The following KANK1 variants were observed in gnomAD, a reference collection of about 807,000 sequenced individuals.
The protein encoded by KANK1 is KN motif and ankyrin repeat domains 1, also known as KN motif and ankyrin repeat domain-containing protein 1.
KANK1 carries 109 observed loss-of-function variants against 106.2 expected under a neutral mutation model. The observed-to-expected ratio is 1.03, with a 90% confidence interval of 0.88 to 1.20. The LOEUF (loss-of-function observed/expected upper bound fraction) is 1.20. Among genes scored for constraint, KANK1 ranks in the 50% most tolerant of loss-of-function variants. The pLI is 0.00. For synonymous variants in KANK1, 873 were observed against 652.2 expected (o/e 1.34, Z -5.16); for missense variants, 2,399 against 1,710.7 (o/e 1.40, Z -7.10).
chr9:728,224 C>A (rs56142521), intron 3 of KANK1, among the ~76,000 whole-genome samples: 11,481 of 151,976 alleles, frequency 0.076, 1,082 homozygotes, highest in African/African-American at 0.21. Context: ...ATGGAGTCTC[C>A]CTCTGTCACT....
chr9:738,485 G>A lies in KANK1; in HGVS notation c.3534G>A (p.Val1178=), dbSNP rs550098769. The change falls in exon 8 of 12, where the codon GTG becomes GTA. Residue 1178 remains valine, a synonymous_variant. Transcript: ENST00000382297. ...YSVSHSNFEI[V]KLLLDADVCN... ...TGTCCCACTCCAACTTCGAGATTGT[G>A]AAGCTGCTGTTAGATGCCGGTATGT... The A allele has an allele frequency of 1.7e-5, 27 of 1,614,100 alleles. No homozygotes were observed. In the South Asian group the frequency reaches 3.0e-4, roughly 18 times the overall value.
intron 1 of KANK1, among the ~76,000 whole-genome samples, chr9:672,035 T>C (rs1406663811): frequency 6.6e-6 from 1 of 152,212 alleles, no homozygotes; most frequent in Non-Finnish European, 1.5e-5. Flanking sequence ...AGTAAGCATA[T>C]AGGTAACTAA....
chr9:712,127 A>T lies in KANK1; in HGVS notation c.1361A>T (p.Glu454Val). The T allele has an allele frequency of 6.2e-7, 1 of 1,614,168 alleles. No individual in the cohort carries two copies. Among genetic ancestry groups the T allele is most frequent in the Non-Finnish European group, 8.5e-7 (1 of 1,180,048 alleles). Residue 454 changes from glutamate (E) to valine (V), a missense_variant, in exon 3 of 12, where the codon GAA becomes GTA. Physicochemically the swap from Glu to Val is moderately radical, Grantham distance 121. Transcript: ENST00000382297. Reference protein sequence around the residue: ...MLGVMTEADKEIELQQQTIES... With the variant: ...MLGVMTEADKVIELQQQTIES... Reference sequence around the variant, plus strand: ...GGAGTGATGACTGAAGCTGACAAAGAAATTGAGCTGCAACAGCAGACCATA... The same window carrying T: ...GGAGTGATGACTGAAGCTGACAAAGTAATTGAGCTGCAACAGCAGACCATA...
intron 3 of KANK1, among the ~76,000 whole-genome samples, chr9:487,427 A>T (rs1342293755): frequency 6.6e-6 from 1 of 152,212 alleles, no homozygotes; most frequent in Non-Finnish European, 1.5e-5. Flanking sequence ...AGGCTAAGCT[A>T]TGATGTTTGG....
At chr9:715,567 A>C (rs1589142609) in intron 3 of KANK1, among the ~76,000 whole-genome samples, 1 of 152,228 alleles carries the variant, frequency 6.6e-6, no homozygotes, top group East Asian at 1.9e-4. Context: ...GTCTATTTCC[A>C]GTCACACTGA....
chr9:627,412 C>T (rs1046388604), intron 1 of KANK1, among the ~76,000 whole-genome samples: 4 of 151,660 alleles, frequency 2.6e-5, no homozygotes, highest in Non-Finnish European at 4.4e-5. Context: ...TCTGCCCCCT[C>T]CCACTGGAAG....
intron 1 of KANK1, among the ~76,000 whole-genome samples, chr9:613,614 T>C (rs928524516): frequency 3.9e-5 from 6 of 152,158 alleles, no homozygotes; most frequent in African/African-American, 1.4e-4. Flanking sequence ...TTGTATTCAT[T>C]TTTGAAATTT....
chr9:649,658 A>G (rs1360371966), intron 1 of KANK1, among the ~76,000 whole-genome samples: 1 of 152,192 alleles, frequency 6.6e-6, no homozygotes, highest in Non-Finnish European at 1.5e-5. Context: ...AGTTTTCACC[A>G]TAGCATGGCT....
chr9:742,500 CCT>C, intron 10 of KANK1, 95 bp downstream of exon 10: 2 of 848,428 alleles, frequency 2.4e-6, no homozygotes, highest in South Asian at 3.5e-5. Context: ...ACCAAATCCT[CCT>C]CTATTCTCCT....
At chr9:605,935 C>G (rs888129990) in intron 1 of KANK1, among the ~76,000 whole-genome samples, 1 of 151,646 alleles carries the variant, frequency 6.6e-6, no homozygotes, top group African/African-American at 2.4e-5. Context: ...TCTGTGTTGT[C>G]AGGGGGCCCT....
chr9:618,800 C>G (rs1027690035), intron 1 of KANK1, among the ~76,000 whole-genome samples: 3 of 152,082 alleles, frequency 2.0e-5, no homozygotes, highest in South Asian at 2.1e-4. Context: ...ACTGGGTGAA[C>G]AGGCGGTGTT....
At chr9:743,505 T>G (rs1189630835) in intron 10 of KANK1, among the ~76,000 whole-genome samples, 1 of 152,154 alleles carries the variant, frequency 6.6e-6, no homozygotes, top group African/African-American at 2.4e-5. Flanking sequence ...AGGGGAAGGA[T>G]CATAAGATTA....
Position 712,502 on chromosome 9 carries a change from A to T in KANK1, c.1736A>T (p.Asp579Val), listed in dbSNP as rs1046713586. The T allele has an allele frequency of 1.9e-6, 3 of 1,614,026 alleles. No homozygotes were observed. Among genetic ancestry groups the T allele is most frequent in the African/African-American group, 2.7e-5 (2 of 74,904 alleles). The change falls in exon 3 of 12, where the codon GAC becomes GTC. Residue 579 changes from aspartate (D) to valine (V), a missense_variant. By Grantham distance (152) the Asp-to-Val change is radical (BLOSUM62 -3). Transcript: ENST00000382297. The part of the protein sequence containing the change: ...WIVKERVEMH[D>V]RCAGRSVEMC... ...GTTAAGGAGAGGGTGGAAATGCATG[A>T]CCGATGTGCTGGGAGGTCTGTGGAA...
chr9:645,439 TAAAAAAAAAAA>T (rs376740141), intron 1 of KANK1, among the ~76,000 whole-genome samples: 1 of 70,252 alleles, frequency 1.4e-5, no homozygotes, highest in African/African-American at 6.4e-5. Flanking sequence ...GACTGTGTCT[TAAAAAAAAAAA>T]AAAAAAAAAA....
At chr9:694,250 G>A (rs1820678590) in intron 2 of KANK1, among the ~76,000 whole-genome samples, 1 of 152,164 alleles carries the variant, frequency 6.6e-6, no homozygotes. Context: ...CCAAAAAACT[G>A]TAATGTTTTG....
At chr9:725,303 A>C (rs1830364490) in intron 3 of KANK1, among the ~76,000 whole-genome samples, 5 of 152,050 alleles carry the variant, frequency 3.3e-5, no homozygotes, top group Non-Finnish European at 7.4e-5. Flanking sequence ...GGCCAGGCTA[A>C]CCAACATGGT....
intron 1 of KANK1, among the ~76,000 whole-genome samples, chr9:676,687 C>A (rs562516522): frequency 1.3e-4 from 20 of 152,302 alleles, no homozygotes; most frequent in Non-Finnish European, 2.8e-4. Flanking sequence ...GACCCCCTTT[C>A]AGTATGTAGC....
At chr9:553,947 A>G (rs2061426301) in intron 1 of KANK1, among the ~76,000 whole-genome samples, 2 of 152,232 alleles carry the variant, frequency 1.3e-5, no homozygotes, top group South Asian at 4.1e-4. Context: ...CCTCTGGAGC[A>G]TTATGTTAAA....
chr9:712,539 G>C lies in KANK1; in HGVS notation c.1773G>C (p.Lys591Asn), dbSNP rs1283587536. The change falls in exon 3 of 12, where the codon AAG becomes AAC. Residue 591 changes from lysine (K) to asparagine (N), a missense_variant. Coordinates refer to ENST00000382297, the MANE Select transcript of KANK1 (RefSeq NM_015158.5). ...GGAGGTCTGTGGAAATGTGTGACAA[G>C]AGTGTGAGTGTGGAAGTCAGCGTCT... The part of the protein sequence containing the change: ...CAGRSVEMCD[K>N]SVSVEVSVCE... 1 of 1,614,214 alleles carries C rather than the reference G, an allele frequency of 6.2e-7. No individual in the cohort carries two copies. The highest frequency in any genetic ancestry group is 1.7e-5 in the Admixed American group (1 of 60,030).
Sources: gnomAD v4.1 joint callset for allele counts (sites outside exome capture counted in the v4.1 genomes callset) on GRCh38, gnomAD v4.1.1 for gene constraint, MANE v1.5 for transcripts, NCBI Gene and HGNC (gene_info 2026-07-23, HGNC 2026-07-21) for gene names.